USP54: variants seen among roughly 807,000 people sequenced by gnomAD.
USP54 encodes the protein ubiquitin carboxyl-terminal hydrolase 54.
USP54 carries 87 observed loss-of-function variants against 170.5 expected under a neutral mutation model. That is an observed-to-expected ratio of 0.51 (90% CI 0.43 to 0.61). The LOEUF is 0.61. Ranked by LOEUF, USP54 falls within the 20% of genes least tolerant of loss-of-function variation. The probability of loss-of-function intolerance (pLI) is 0.00; values close to 1 mark genes in which losing one functional copy is unlikely to be tolerated. For missense variants in USP54, 1,786 were observed against 2,047.8 expected (o/e 0.87, Z 2.47); for synonymous variants, 655 against 742.8 (o/e 0.88, Z 1.92).
At position 73,618,530 on chromosome 10, in the gene USP54, G is replaced by C. The variant is rs192453975; in HGVS notation, c.-18+7037C>G. On this transcript the variant is annotated intron_variant, in intron 1 of 22. Coordinates refer to the USP54 transcript ENST00000339859. Reference sequence around the variant, plus strand: ...GGATGAGGCGGGGTGGATCACCTAAGGTCAGGAGTTCAAGACCAGCCTGGC... The same window carrying C: ...GGATGAGGCGGGGTGGATCACCTAACGTCAGGAGTTCAAGACCAGCCTGGC... Among the ~76,000 whole-genome samples the C allele has an allele frequency of 4.2e-4, 63 of 149,886 alleles. 4 individuals are homozygous for C. The highest frequency in any genetic ancestry group is 1.2e-3 in the African/African-American group (47 of 39,600).
chr10:73,541,945 C>T, intron 7 of USP54: 1 of 578,538 alleles, frequency 1.7e-6, no homozygotes, highest in South Asian at 2.0e-5. Flanking sequence ...CACTCCTCCT[C>T]CCACTTTGCT....
intron 4 of USP54, among the ~76,000 whole-genome samples, chr10:73,560,286 A>G (rs1009657357): frequency 1.3e-5 from 2 of 152,046 alleles, no homozygotes. Context: ...GGTCTTTTCC[A>G]TCATCACTCT....
At chr10:73,616,347 A>T (rs2132336392) in intron 1 of USP54, among the ~76,000 whole-genome samples, 1 of 148,202 alleles carries the variant, frequency 6.7e-6, no homozygotes, top group African/African-American at 2.6e-5. Flanking sequence ...AAAAAAAAAA[A>T]AAAAAAAAAA....
intron 1 of USP54, among the ~76,000 whole-genome samples, chr10:73,610,406 G>A (rs1589402657): frequency 6.6e-6 from 1 of 152,030 alleles, no homozygotes; most frequent in Non-Finnish European, 1.5e-5. Flanking sequence ...CGGATCACTC[G>A]AGGTCAGGAG....
At chr10:73,565,741 A>G (rs2073622487) in intron 4 of USP54, among the ~76,000 whole-genome samples, 1 of 152,206 alleles carries the variant, frequency 6.6e-6, no homozygotes, top group Non-Finnish European at 1.5e-5. Context: ...TCTATGATCT[A>G]GCAATTCCAG....
At chr10:73,609,962 A>T (rs949672370) in intron 1 of USP54, among the ~76,000 whole-genome samples, 1 of 151,624 alleles carries the variant, frequency 6.6e-6, no homozygotes, top group Admixed American at 6.6e-5. Flanking sequence ...GTGAGCCAAA[A>T]TCACGCCACT....
intron 1 of USP54, among the ~76,000 whole-genome samples, chr10:73,621,924 G>A (rs2081126690): frequency 6.6e-6 from 1 of 152,058 alleles, no homozygotes; most frequent in African/African-American, 2.4e-5. Flanking sequence ...AAATGTATGA[G>A]TAAAAAAACA....
At chr10:73,511,203 A>C (rs527270198) in intron 20 of USP54, among the ~76,000 whole-genome samples, 1 of 150,480 alleles carries the variant, frequency 6.6e-6, no homozygotes, top group South Asian at 2.1e-4. Flanking sequence ...GGTTCAAACG[A>C]TTCTCCCACC....
intron 1 of USP54, among the ~76,000 whole-genome samples, chr10:73,607,204 G>A (rs1564957364): frequency 6.6e-6 from 1 of 151,866 alleles, no homozygotes; most frequent in East Asian, 1.9e-4. Context: ...CAACTACTCA[G>A]GAGGATCACT....
chr10:73,584,584 G>A (rs923534167), intron 1 of USP54, among the ~76,000 whole-genome samples: 9 of 152,104 alleles, frequency 5.9e-5, no homozygotes, highest in African/African-American at 1.9e-4. Flanking sequence ...CAACATCGGG[G>A]TAAGTAAATG....
At chr10:73,558,611 G>C (rs558058538) in intron 4 of USP54, among the ~76,000 whole-genome samples, 2 of 152,166 alleles carry the variant, frequency 1.3e-5, no homozygotes, top group South Asian at 4.1e-4. Flanking sequence ...AAGTTGGCCA[G>C]CCTCTGATTC....
intron 20 of USP54, chr10:73,507,178 T>C (rs2059283266): frequency 6.6e-6 from 1 of 151,668 alleles, no homozygotes; most frequent in Non-Finnish European, 1.5e-5. Context: ...TAGGATTGTA[T>C]AAACAGAAAA....
At chr10:73,621,375 G>T (rs1486117143) in intron 1 of USP54, among the ~76,000 whole-genome samples, 1 of 150,124 alleles carries the variant, frequency 6.7e-6, no homozygotes, top group East Asian at 1.9e-4. Context: ...GCCGAGACGG[G>T]AAGATCACAA....
At position 73,517,551 on chromosome 10, in the gene USP54, C is replaced by T; in HGVS notation, c.2875G>A (p.Val959Ile). The T allele has an allele frequency of 6.2e-7, 1 of 1,614,186 alleles. No homozygotes were observed. The highest frequency in any genetic ancestry group is 8.5e-7 in the Non-Finnish European group (1 of 1,180,028). ...SRSALKLLTS[V>I]EVDNIEPSAF... ...GAGGGTTCAATGTTGTCTACTTCAA[C>T]CGAAGTCAGAAGCTTCAAGGCAGAT... Residue 959 changes from valine to isoleucine, a missense_variant, in exon 20 of 24, where the codon GTT becomes ATT. Val to Ile is a conservative substitution (Grantham distance 29). This residue lies in a region of USP54 where 1,418 missense variants were observed against 1,569.0 expected (regional missense o/e 0.90). Coordinates refer to ENST00000687698, the MANE Select transcript of USP54 (RefSeq NM_001391956.1).
chr10:73,551,895 A>T (rs892618575), intron 4 of USP54, among the ~76,000 whole-genome samples: 32 of 152,182 alleles, frequency 2.1e-4, no homozygotes, highest in Non-Finnish European at 3.2e-4. Flanking sequence ...TTAAGCCCTA[A>T]TACTCTAGGG....
At chr10:73,618,486 T>G (rs1638862876) in intron 1 of USP54, among the ~76,000 whole-genome samples, 1 of 149,854 alleles carries the variant, frequency 6.7e-6, no homozygotes, top group Non-Finnish European at 1.5e-5. Context: ...CTCACGCCTG[T>G]AATCCCAGCA....
chr10:73,517,055 C>A lies in USP54; in HGVS notation c.3371G>T (p.Ser1124Ile). 6.2e-7 allele frequency: 1 copy of A among 1,614,194 alleles called. No homozygotes were observed. Among genetic ancestry groups the A allele is most frequent in the Non-Finnish European group, 8.5e-7 (1 of 1,180,048 alleles). The stretch of plus-strand genomic sequence containing the variant: ...CAGAGAACGGACAAGCCCCTTTGTG[C>A]TGGGAAACTCTGGCCTATAGGTCTC... ...SEETYRPEFP[S>I]TKGLVRSLAE... The change falls in exon 20 of 24, where the codon AGC becomes ATC. Residue 1124 changes from serine (S) to isoleucine (I), a missense_variant. This residue lies in a region of USP54 where 1,418 missense variants were observed against 1,569.0 expected (regional missense o/e 0.90). Transcript: ENST00000687698.
At chr10:73,604,692 G>T (rs1363792126) in intron 1 of USP54, among the ~76,000 whole-genome samples, 1 of 150,968 alleles carries the variant, frequency 6.6e-6, no homozygotes, top group East Asian at 2.0e-4. Context: ...CCTGATTCAC[G>T]CCATTCTCCT....
rs891786774 is a variant in USP54, at chr10:73,575,932, T to G, written c.-152A>C. On this transcript the variant is annotated 5_prime_UTR_variant, in exon 2 of 24. An upstream open reading frame in the 5' UTR loses its in-frame stop. Transcript: ENST00000687698. ...GGACTAATGCAAACAGAGAAATCCTTAAGTATTGCTTCCTTCTATTTTTCT... is the reference window on the plus strand; with the variant it reads ...GGACTAATGCAAACAGAGAAATCCTGAAGTATTGCTTCCTTCTATTTTTCT... The G allele has an allele frequency of 4.0e-6, 1 of 252,576 alleles. No homozygotes were observed. The allele number at this position is 252,576 out of a possible 1,614,324, so 15.6% of individuals were successfully genotyped here.
Sources: allele counts gnomAD v4.1 joint callset (sites outside exome capture counted in the v4.1 genomes callset), GRCh38; gene constraint gnomAD v4.1.1; regional missense constraint gnomAD v4.1.1; transcripts MANE v1.5; gene names NCBI Gene and HGNC (gene_info 2026-07-23, HGNC 2026-07-21).